ASB11: variants seen among roughly 807,000 people sequenced by gnomAD.
ASB11 encodes the protein ankyrin repeat and SOCS box protein 11.
Under a neutral mutation model 20.1 loss-of-function variants are expected in ASB11, and 17 were observed. The ratio of observed to expected loss-of-function variants is 0.85; its 90% CI spans 0.58 to 1.27. The LOEUF is 1.27. Among genes scored for constraint, ASB11 ranks in the 50% most tolerant of loss-of-function variants. The pLI is 0.00. For missense variants in ASB11, 259 were observed against 256.9 expected (o/e 1.01, Z -0.06); for synonymous variants, 107 against 105.6 (o/e 1.01, Z -0.08).
chrX:15,314,743 G>GTGACACA (rs1921560044), intron 1 of ASB11, among the ~76,000 whole-genome samples: 1 of 109,331 alleles, frequency 9.1e-6, no homozygotes, highest in African/African-American at 3.3e-5. Flanking sequence ...GAGTGACAGG[G>GTGACACA]ATATCTGACT....
Position 15,315,602 on chromosome X carries a change from C to T in ASB11, c.4G>A (p.Glu2Lys). The change falls in exon 1 of 7, where the codon GAA becomes AAA. Residue 2 changes from glutamate to lysine, a missense_variant. Transcript: ENST00000480796. M[E>K]DGPVFYGFKN... ...AAGCCATAGAAAACAGGACCATCTT[C>T]CATTTTGGCTTATGCTCTGTATAGG... 1 of 1,164,345 alleles carries T rather than the reference C, an allele frequency of 8.6e-7. No individual in the cohort carries two copies. Among genetic ancestry groups the T allele is most frequent in the Non-Finnish European group, 1.1e-6 (1 of 873,892 alleles).
intron 1 of ASB11, among the ~76,000 whole-genome samples, chrX:15,314,044 C>T (rs186992638): frequency 7.1e-5 from 6 of 84,590 alleles, no homozygotes; most frequent in Non-Finnish European, 1.1e-4. Context: ...GGCTACAGAG[C>T]GAGACTCCAT....
intron 4 of ASB11, chrX:15,289,856 T>A (rs1981786166): frequency 3.6e-6 from 1 of 277,965 alleles, no homozygotes; most frequent in African/African-American, 2.9e-5. Context: ...AAACCCCATC[T>A]CTACTAAAAA....
intron 5 of ASB11, among the ~76,000 whole-genome samples, chrX:15,288,606 G>A (rs1030179459): frequency 5.4e-5 from 6 of 111,383 alleles, no homozygotes; most frequent in African/African-American, 2.0e-4. Flanking sequence ...TTTTCCGGCC[G>A]GGCACAGTGG....
intron 3 of ASB11, among the ~76,000 whole-genome samples, chrX:15,296,519 T>C (rs1278577547): frequency 8.9e-6 from 1 of 111,892 alleles, no homozygotes; most frequent in Non-Finnish European, 1.9e-5. Flanking sequence ...GAAGTTGTGA[T>C]TTTATGATTC....
At chrX:15,309,747 C>T (rs1360798498) in intron 1 of ASB11, among the ~76,000 whole-genome samples, 1 of 109,143 alleles carries the variant, frequency 9.2e-6, no homozygotes, top group East Asian at 2.9e-4. Flanking sequence ...GCGGGTGGAT[C>T]ACGAGGTCAG....
chrX:15,311,347 G>A (rs1253040760), intron 1 of ASB11, among the ~76,000 whole-genome samples: 1 of 112,483 alleles, frequency 8.9e-6, no homozygotes, highest in African/African-American at 3.2e-5. Context: ...GTGGAAGGTA[G>A]AGCCTCTGCC....
intron 2 of ASB11, among the ~76,000 whole-genome samples, chrX:15,301,610 G>A (rs1188759037): frequency 8.9e-6 from 1 of 111,847 alleles, no homozygotes; most frequent in Non-Finnish European, 1.9e-5. Flanking sequence ...AAAGCCAGAT[G>A]ATTGCCTAGT....
chrX:15,287,885 A>G lies in ASB11; in HGVS notation c.843T>C (p.Arg281=). 2 of 1,200,994 alleles carry G rather than the reference A, an allele frequency of 1.7e-6. No individual in the cohort carries two copies. Among genetic ancestry groups the G allele is most frequent in the Non-Finnish European group, 2.2e-6 (2 of 889,544 alleles). Residue 281 remains arginine, a synonymous_variant, in exon 6 of 7, where the codon CGT becomes CGC. Coordinates refer to ENST00000480796, the MANE Select transcript of ASB11 (RefSeq NM_080873.3). ...KSSVEQALLL[R]EGPPALSQLC... ...GGATACCCAGCCCTTGGTTACCTTC[A>G]CGGAGCAAGAGTGCCTGCTCCACGC...
Position 15,283,605 on chromosome X carries a change from C to G in ASB11, c.872G>C (p.Cys291Ser), listed in dbSNP as rs770406180. 4.1e-6 allele frequency: 5 copies of G among 1,207,956 alleles called. No individual in the cohort carries two copies. Among genetic ancestry groups the G allele is most frequent in the Non-Finnish European group, 5.6e-6 (5 of 893,605 alleles). Reference sequence around the variant, plus strand: ...GAGACACTTCCGGACACACAGGCGGCAGAGCTGGGAAAGAGCAGGTGGGCC... The same window carrying G: ...GAGACACTTCCGGACACACAGGCGGGAGAGCTGGGAAAGAGCAGGTGGGCC... ...REGPPALSQL[C>S]RLCVRKCLGR... The change falls in exon 7 of 7, where the codon TGC (cysteine) becomes TCC (serine). Residue 291 changes from cysteine (C) to serine (S), a missense_variant. Physicochemically the swap from Cys to Ser is moderately radical, Grantham distance 112 (BLOSUM62 -1). Transcript: ENST00000480796.
chrX:15,290,538 C>A (rs928604499), intron 4 of ASB11, among the ~76,000 whole-genome samples: 9 of 112,259 alleles, frequency 8.0e-5, no homozygotes, highest in Non-Finnish European at 1.3e-4. Flanking sequence ...TGTAAGCAAG[C>A]ATTCTCTTTT....
chrX:15,283,643 A>G lies in ASB11; in HGVS notation c.848-14T>C. 2.5e-6 allele frequency: 3 copies of G among 1,208,240 alleles called. No homozygotes were observed. Among genetic ancestry groups the G allele is most frequent in the Non-Finnish European group, 2.2e-6 (2 of 893,204 alleles). ...GAGCAGGTGGGCCTGAGAGAGAAAT[A>G]AAAATGGTGTTAACTTCATAGTGGT... On this transcript the variant is annotated splice_polypyrimidine_tract_variant and intron_variant, in intron 6 of 6. Transcript: ENST00000480796.
At chrX:15,290,171 C>T (rs1927497004) in intron 4 of ASB11, among the ~76,000 whole-genome samples, 1 of 111,603 alleles carries the variant, frequency 9.0e-6, no homozygotes, top group Non-Finnish European at 1.9e-5. Context: ...TTCCCCACTC[C>T]AGCTCCTCTT....
rs1341190210 is a variant in ASB11 at position 15,283,493 on chromosome X, G to T, written c.*12C>A. On this transcript the variant is annotated 3_prime_UTR_variant, in exon 7 of 7. Transcript: ENST00000480796. ...TGTGTCATTCCAAGTATCTTCCCAG[G>T]AACACTTAGGACTATTGGTATAGGA... The T allele has an allele frequency of 8.3e-7, 1 of 1,208,106 alleles. No individual in the cohort carries two copies. The highest frequency in any genetic ancestry group is 3.0e-5 in the East Asian group (1 of 33,726).
At position 15,283,408 on chromosome X, in the gene ASB11, C is replaced by G; in HGVS notation, c.*97G>C. 5 of 1,076,394 alleles carry G rather than the reference C, an allele frequency of 4.6e-6. No individual in the cohort carries two copies. The highest frequency in any genetic ancestry group is 6.1e-5 in the East Asian group (2 of 32,631). 88.7% of individuals were successfully genotyped at this position (1,076,394 alleles called of 1,213,427 possible). Reference sequence around the variant, plus strand: ...CTTCGACTGAGCTCATTTAAAGATACTAGGAGTCTAAGCTGTTGAGCTTCT... The same window carrying G: ...CTTCGACTGAGCTCATTTAAAGATAGTAGGAGTCTAAGCTGTTGAGCTTCT... On this transcript the variant is annotated 3_prime_UTR_variant, in exon 7 of 7. Coordinates refer to ENST00000480796, the MANE Select transcript of ASB11 (RefSeq NM_080873.3).
At chrX:15,294,100 A>C (rs1920950986) in intron 3 of ASB11, among the ~76,000 whole-genome samples, 1 of 112,218 alleles carries the variant, frequency 8.9e-6, no homozygotes, top group African/African-American at 3.2e-5. Context: ...AGCCATCAAC[A>C]TGGTGTCTGC....
chrX:15,310,847 T>C (rs112613990), intron 1 of ASB11, among the ~76,000 whole-genome samples: 4 of 111,005 alleles, frequency 3.6e-5, no homozygotes, highest in African/African-American at 1.3e-4. Flanking sequence ...AATTAGCCAG[T>C]GTGGTGGCGG....
At chrX:15,284,209 G>A (rs758176882) in intron 6 of ASB11, among the ~76,000 whole-genome samples, 20 of 99,969 alleles carry the variant, frequency 2.0e-4, no homozygotes, top group Non-Finnish European at 3.2e-4. Flanking sequence ...CCGAGATCGG[G>A]CCACTGCACT....
intron 1 of ASB11, among the ~76,000 whole-genome samples, chrX:15,312,271 G>A (rs1921451229): frequency 9.3e-6 from 1 of 108,049 alleles, no homozygotes; most frequent in Non-Finnish European, 1.9e-5. Flanking sequence ...AATAAACAAA[G>A]AAGCTTAAAA....
Sources: gnomAD v4.1 joint callset for allele counts (sites outside exome capture counted in the v4.1 genomes callset) on GRCh38, gnomAD v4.1.1 for gene constraint, MANE v1.5 for transcripts, NCBI Gene and HGNC (gene_info 2026-07-23, HGNC 2026-07-21) for gene names.